Variants in CYTH3 observed in about 807,000 individuals in gnomAD.
The protein encoded by CYTH3 is cytohesin-3.
Under a neutral mutation model 55.1 loss-of-function variants are expected in CYTH3, and 23 were observed. That is an observed-to-expected ratio of 0.42 (90% CI 0.30 to 0.59). CYTH3 has a LOEUF of 0.59. CYTH3 is among the 20% of genes least tolerant of loss of function. The pLI is 0.20. For synonymous variants in CYTH3, 249 were observed against 194.9 expected (o/e 1.28, Z -2.31); for missense variants, 413 against 524.8 (o/e 0.79, Z 2.08).
intron 4 of CYTH3, among the ~76,000 whole-genome samples, chr7:6,181,242 TG>T (rs1783496219): frequency 6.6e-6 from 1 of 152,234 alleles, no homozygotes; most frequent in Admixed American, 6.5e-5. Context: ...TTCAAAGTTT[TG>T]CTTGTTTCTT....
At chr7:6,194,902 G>A (rs112083919) in intron 1 of CYTH3, among the ~76,000 whole-genome samples, 127 of 152,210 alleles carry the variant, frequency 8.3e-4, no homozygotes, top group African/African-American at 2.8e-3. Flanking sequence ...TTGAACCCAG[G>A]AGGTGGAAGT....
At chr7:6,185,973 G>A (rs571092137) in intron 4 of CYTH3, among the ~76,000 whole-genome samples, 28 of 152,052 alleles carry the variant, frequency 1.8e-4, no homozygotes, top group South Asian at 8.3e-4. Flanking sequence ...GGCCAGGCAC[G>A]GTGGCTCACG....
chr7:6,221,564 C>G (rs1046114772), intron 1 of CYTH3, among the ~76,000 whole-genome samples: 2 of 152,162 alleles, frequency 1.3e-5, no homozygotes, highest in African/African-American at 4.8e-5. Context: ...ATACCAATGT[C>G]AGCTTCCTGA....
At position 6,264,712 on chromosome 7, in the gene CYTH3, T is replaced by C. The variant is rs117854717; in HGVS notation, c.34+7762A>G. ...AAGCAAAGAGCAAAAGGACCAGGGA[T>C]TGCTAGACACAAGTGACTTCAACTT... On this transcript the variant is annotated intron_variant, in intron 1 of 12. Transcript: ENST00000350796. Among the ~76,000 whole-genome samples, 81 of 152,278 alleles carry C rather than the reference T, an allele frequency of 5.3e-4. No homozygotes were observed. The East Asian group carries it at 0.015, about 28-fold the overall frequency.
chr7:6,202,917 A>G (rs986929124), intron 1 of CYTH3, among the ~76,000 whole-genome samples: 2 of 152,254 alleles, frequency 1.3e-5, no homozygotes, highest in Non-Finnish European at 2.9e-5. Flanking sequence ...ATGCTCTTTA[A>G]AAGAGGCATA....
chr7:6,201,001 T>C (rs1288039258), intron 1 of CYTH3, among the ~76,000 whole-genome samples: 1 of 152,230 alleles, frequency 6.6e-6, no homozygotes, highest in Non-Finnish European at 1.5e-5. Context: ...GCTCAAGTAA[T>C]CCTCTACTTC....
rs1403006068 is a variant in CYTH3, at chr7:6,179,690, C to A, written c.250-1749G>T. 1.4e-3 allele frequency among the ~76,000 whole-genome samples: 145 copies of A among 100,708 alleles called. 2 individuals are homozygous for A. The highest frequency in any genetic ancestry group is 5.9e-3 in the African/African-American group (131 of 22,332). 66.1% of individuals were successfully genotyped at this position (100,708 alleles called of 152,430 possible). A position where few individuals can be genotyped will look rare whatever the true frequency, so the allele number is the denominator to read the frequency against. On this transcript the variant is annotated intron_variant, in intron 4 of 12. Coordinates refer to ENST00000350796, the MANE Select transcript of CYTH3 (RefSeq NM_004227.4). ...CCACACACACACCACACACACCCCCCCACACACACACCCCACACACACCCC... is the reference window on the plus strand; with the variant it reads ...CCACACACACACCACACACACCCCCACACACACACACCCCACACACACCCC...
intron 1 of CYTH3, among the ~76,000 whole-genome samples, chr7:6,262,346 C>T (rs1176580671): frequency 2.0e-5 from 3 of 152,060 alleles, no homozygotes; most frequent in Non-Finnish European, 2.9e-5. Flanking sequence ...CACAGCACTG[C>T]CAAAGAGAAG....
intron 4 of CYTH3, among the ~76,000 whole-genome samples, 186 bp from the exon 5 acceptor site, chr7:6,178,127 C>T (rs546109277): frequency 6.6e-5 from 10 of 152,320 alleles, no homozygotes; most frequent in South Asian, 2.1e-4. Context: ...ACCAAAGAAA[C>T]GCACGTTCAT....
chr7:6,244,459 T>C (rs1436543172), intron 1 of CYTH3, among the ~76,000 whole-genome samples: 1 of 152,202 alleles, frequency 6.6e-6, no homozygotes, highest in East Asian at 1.9e-4. Flanking sequence ...TGCTTCAAAA[T>C]GTCCGAAAAA....
At chr7:6,182,871 T>C (rs759733734) in intron 4 of CYTH3, among the ~76,000 whole-genome samples, 2 of 152,182 alleles carry the variant, frequency 1.3e-5, no homozygotes, top group African/African-American at 4.8e-5. Context: ...GGGTTTCATG[T>C]CTCTTTCATG....
intron 9 of CYTH3, among the ~76,000 whole-genome samples, chr7:6,166,950 C>A (rs1353743223): frequency 1.3e-5 from 2 of 152,198 alleles, no homozygotes; most frequent in African/African-American, 4.8e-5. Context: ...AGACCCTGGT[C>A]TGGGCAAATC....
chr7:6,187,802 T>C, intron 2 of CYTH3, 81 bp from the exon 3 acceptor site: 1 of 1,164,152 alleles, frequency 8.6e-7, no homozygotes, highest in Non-Finnish European at 1.3e-6. Flanking sequence ...AGTTCTCTTG[T>C]GACAAGCTTC....
In CYTH3 at chr7:6,164,352, ATAC is replaced by A. The variant is rs1400023554; in HGVS notation, c.*589_*591del. On this transcript the variant is annotated 3_prime_UTR_variant, in exon 13 of 13. Coordinates refer to ENST00000350796, the MANE Select transcript of CYTH3 (RefSeq NM_004227.4). Reference sequence around the variant, plus strand: ...TAACTTTATAGCTGCCATTCTAAAAATACTACTGTTAGAAAGTATCTTTTGTTA... The same window carrying A: ...TAACTTTATAGCTGCCATTCTAAAAATACTGTTAGAAAGTATCTTTTGTTA... 6.5e-6 allele frequency: 1 copy of A among 153,158 alleles called. No homozygotes were observed. Among genetic ancestry groups the A allele is most frequent in the African/African-American group, 2.4e-5 (1 of 41,472 alleles). 9.5% of individuals were successfully genotyped at this position (153,158 alleles called of 1,614,324 possible).
intron 1 of CYTH3, among the ~76,000 whole-genome samples, chr7:6,233,085 C>T (rs183686073): frequency 3.3e-5 from 5 of 152,256 alleles, no homozygotes; most frequent in African/African-American, 4.8e-5. Context: ...TACTACAGCT[C>T]CCCAGGCTGC....
chr7:6,195,481 G>A (rs1391546423), intron 1 of CYTH3, among the ~76,000 whole-genome samples: 3 of 151,768 alleles, frequency 2.0e-5, no homozygotes, highest in Non-Finnish European at 2.9e-5. Flanking sequence ...TTGAGACGGC[G>A]TCTCACTCTC....
At chr7:6,179,081 A>AT (rs777531550) in intron 4 of CYTH3, among the ~76,000 whole-genome samples, 13 of 152,000 alleles carry the variant, frequency 8.6e-5, no homozygotes, top group Admixed American at 2.6e-4. Context: ...GAAATTTCCT[A>AT]TTTTTTTTAA....
At chr7:6,195,168 C>T (rs190206890) in intron 1 of CYTH3, among the ~76,000 whole-genome samples, 3 of 152,104 alleles carry the variant, frequency 2.0e-5, no homozygotes, top group Admixed American at 2.0e-4. Flanking sequence ...TTAATATTTT[C>T]AAGGGTACTG....
At chr7:6,201,064 T>C (rs1277420178) in intron 1 of CYTH3, among the ~76,000 whole-genome samples, 1 of 152,178 alleles carries the variant, frequency 6.6e-6, no homozygotes, top group African/African-American at 2.4e-5. Flanking sequence ...CTGGCTCAAC[T>C]GTTAAATGAG....
Sources: gnomAD v4.1 joint callset for allele counts (sites outside exome capture counted in the v4.1 genomes callset) on GRCh38, gnomAD v4.1.1 for gene constraint, MANE v1.5 for transcripts, NCBI Gene and HGNC (gene_info 2026-07-23, HGNC 2026-07-21) for gene names.